The following NAA35 variants were observed in gnomAD, a reference collection of about 807,000 sequenced individuals.
The protein encoded by NAA35 is N-alpha-acetyltransferase 35, NatC auxiliary subunit.
A neutral mutation model predicts 101.7 loss-of-function variants in NAA35; 18 were observed. The observed-to-expected ratio is 0.18, with a 90% CI of 0.12 to 0.26. The LOEUF (loss-of-function observed/expected upper bound fraction) is 0.26. Ranked by LOEUF, NAA35 falls within the 10% of genes least tolerant of loss-of-function variation. The probability of loss-of-function intolerance (pLI) is 1.00; values close to 1 mark genes in which losing one functional copy is unlikely to be tolerated. For synonymous variants in NAA35, 267 were observed against 273.1 expected (o/e 0.98, Z 0.22); for missense variants, 601 against 886.8 (o/e 0.68, Z 4.09).
At chr9:86,011,145 G>A (rs1831903643) in intron 15 of NAA35, among the ~76,000 whole-genome samples, 1 of 150,394 alleles carries the variant, frequency 6.6e-6, no homozygotes, top group African/African-American at 2.4e-5. Flanking sequence ...AGGAGGCTGG[G>A]GCAGAATTGC....
chr9:85,950,552 G>T (rs1828974435), intron 2 of NAA35, among the ~76,000 whole-genome samples: 1 of 152,056 alleles, frequency 6.6e-6, no homozygotes, highest in Non-Finnish European at 1.5e-5. Context: ...GATTACTGAA[G>T]TTCTAAGGAA....
At chr9:85,979,637 A>G (rs73474798) in intron 11 of NAA35, among the ~76,000 whole-genome samples, 10,896 of 152,212 alleles carry the variant, frequency 0.072, 1,279 homozygotes, top group African/African-American at 0.25. Context: ...AGGAACTTCT[A>G]CTTTGCTTTT....
intron 11 of NAA35, among the ~76,000 whole-genome samples, chr9:85,990,683 C>G (rs1390280078): frequency 6.6e-6 from 1 of 152,218 alleles, no homozygotes; most frequent in East Asian, 1.9e-4. Flanking sequence ...AAAATTCACT[C>G]CTAATGCCAT....
chr9:85,991,749 A>G (rs1417230085), intron 11 of NAA35, among the ~76,000 whole-genome samples: 1 of 152,136 alleles, frequency 6.6e-6, no homozygotes, highest in African/African-American at 2.4e-5. Flanking sequence ...TCCTATTTCT[A>G]CTTCTCAGAA....
At chr9:86,000,903 A>T (rs561285588) in intron 12 of NAA35, among the ~76,000 whole-genome samples, 1 of 151,416 alleles carries the variant, frequency 6.6e-6, no homozygotes, top group East Asian at 2.0e-4. Context: ...TTCACCTCTG[A>T]TTTTTGTTAG....
chr9:86,006,650 G>C (rs530394625), intron 13 of NAA35, among the ~76,000 whole-genome samples: 6 of 152,120 alleles, frequency 3.9e-5, no homozygotes, highest in Admixed American at 3.9e-4. Context: ...CGGGAGGAGC[G>C]TTTGACCACA....
At chr9:85,978,538 A>G (rs1484532014) in intron 11 of NAA35, among the ~76,000 whole-genome samples, 157 bp downstream of exon 11, 1 of 152,184 alleles carries the variant, frequency 6.6e-6, no homozygotes, top group Non-Finnish European at 1.5e-5. Context: ...GTAAATATAT[A>G]CTAGACTAAA....
At chr9:85,948,047 C>T (rs118091776) in intron 2 of NAA35, among the ~76,000 whole-genome samples, 2 of 152,292 alleles carry the variant, frequency 1.3e-5, no homozygotes, top group East Asian at 3.9e-4. Flanking sequence ...ACACTGCGTT[C>T]CTCCTTTTAG....
At chr9:85,976,288 T>C (rs1830209164) in intron 8 of NAA35, among the ~76,000 whole-genome samples, 3 of 152,332 alleles carry the variant, frequency 2.0e-5, no homozygotes, top group East Asian at 1.9e-4. Flanking sequence ...GTATTGACCA[T>C]TGAACTTTAT....
At chr9:85,972,715 A>G (rs935493372) in intron 6 of NAA35, among the ~76,000 whole-genome samples, 4 of 152,058 alleles carry the variant, frequency 2.6e-5, no homozygotes, top group African/African-American at 9.7e-5. Context: ...TCCCTAGTGT[A>G]TGTTGTAGCT....
intron 6 of NAA35, among the ~76,000 whole-genome samples, chr9:85,963,941 C>T (rs1160652249): frequency 6.6e-6 from 1 of 152,066 alleles, no homozygotes; most frequent in Admixed American, 6.6e-5. Flanking sequence ...AATAAAATGG[C>T]CTTTAAATGT....
intron 6 of NAA35, among the ~76,000 whole-genome samples, chr9:85,964,664 T>C (rs1479554858): frequency 6.6e-6 from 1 of 152,244 alleles, no homozygotes; most frequent in Non-Finnish European, 1.5e-5. Flanking sequence ...TTTCATTTCT[T>C]AATAGGCTAT....
In NAA35 at chr9:86,007,341, A is replaced by G. The variant is rs894094976; in HGVS notation, c.1117-17A>G. ...CTGTGCGTGACACCGTAACTAATAT[A>G]TAACATTTGTTTTAAGACCACTTTC... On this transcript the variant is annotated splice_polypyrimidine_tract_variant and intron_variant, in intron 13 of 22. Coordinates refer to ENST00000361671, the MANE Select transcript of NAA35 (RefSeq NM_024635.4). 6 of 1,563,872 alleles carry G rather than the reference A, an allele frequency of 3.8e-6. No homozygotes were observed. The highest frequency in any genetic ancestry group is 2.7e-5 in the African/African-American group (2 of 73,910).
chr9:85,975,641 C>T (rs1232525716), intron 8 of NAA35, among the ~76,000 whole-genome samples: 2 of 152,112 alleles, frequency 1.3e-5, no homozygotes, highest in Non-Finnish European at 2.9e-5. Context: ...TACTTTCAAT[C>T]AGCGGTTGGT....
intron 15 of NAA35, among the ~76,000 whole-genome samples, chr9:86,010,964 T>G (rs1831896191): frequency 6.6e-6 from 1 of 151,608 alleles, no homozygotes; most frequent in Non-Finnish European, 1.5e-5. Context: ...AATTATTGGC[T>G]GGGCATGGTG....
chr9:85,995,587 A>G (rs1189104985), intron 11 of NAA35, among the ~76,000 whole-genome samples: 1 of 152,152 alleles, frequency 6.6e-6, no homozygotes, highest in Non-Finnish European at 1.5e-5. Flanking sequence ...TTAATTCTTA[A>G]TAACAACAGC....
chr9:85,996,445 A>C lies in NAA35; in HGVS notation c.924A>C (p.Leu308=). The change falls in exon 12 of 23, where the codon CTA becomes CTC. Residue 308 remains leucine, a synonymous_variant. Coordinates refer to ENST00000361671, the MANE Select transcript of NAA35 (RefSeq NM_024635.4). The stretch of plus-strand genomic sequence containing the variant: ...TTGAACCCCTTGTGAACCAGAGGCT[A>C]CTTCCACCTACCTTCCCTCGATATG... ...MGFEPLVNQR[L]LPPTFPRYAK... 1 of 1,608,842 alleles carries C rather than the reference A, an allele frequency of 6.2e-7. No homozygotes were observed. Among genetic ancestry groups the C allele is most frequent in the South Asian group, 1.1e-5 (1 of 89,636 alleles).
rs576531446 is a variant in NAA35 at position 86,017,356 on chromosome 9, A to T, written c.1706-142A>T. On this transcript the variant is annotated intron_variant, in intron 18 of 22. Transcript: ENST00000361671. The stretch of plus-strand genomic sequence containing the variant: ...TATTTGTAGATTTTGACCATAAATA[A>T]AATTTAACCTGTAGGAACACACTGA... The T allele has an allele frequency of 5.2e-5, 31 of 596,522 alleles. No homozygotes were observed. The Admixed American group carries it at 7.9e-4, about 15-fold the overall frequency. The allele number at this position is 596,522 out of a possible 1,614,324, so 37.0% of individuals were successfully genotyped here.
chr9:85,990,161 TG>T, intron 11 of NAA35, among the ~76,000 whole-genome samples: 1 of 152,188 alleles, frequency 6.6e-6, no homozygotes, highest in Non-Finnish European at 1.5e-5. Context: ...AGCAGACATG[TG>T]GAAAGAGGGA....
Sources: gnomAD v4.1 joint callset for allele counts (sites outside exome capture counted in the v4.1 genomes callset) on GRCh38, gnomAD v4.1.1 for gene constraint, MANE v1.5 for transcripts, NCBI Gene and HGNC (gene_info 2026-07-23, HGNC 2026-07-21) for gene names.